Variants in FGFR3 observed in about 807,000 individuals in gnomAD.
The protein encoded by FGFR3 is fibroblast growth factor receptor 3, also known as FGFR-3.
FGFR3 carries 25 observed loss-of-function variants against 82.9 expected under a neutral mutation model. The observed-to-expected ratio is 0.30, with a 90% CI of 0.22 to 0.42. The LOEUF (loss-of-function observed/expected upper bound fraction) is 0.42, where lower values mean the gene tolerates loss of function less well. FGFR3 is among the 10% of genes least tolerant of loss of function. The pLI, the probability that FGFR3 is intolerant of heterozygous loss-of-function variation, is 1.00. For synonymous variants in FGFR3, 620 were observed against 516.0 expected (o/e 1.20, Z -2.73); for missense variants, 1,026 against 1,161.0 (o/e 0.88, Z 1.69).
At chr4:1,798,022 A>G (rs916400813) in intron 2 of FGFR3, among the ~76,000 whole-genome samples, 1 of 151,208 alleles carries the variant, frequency 6.6e-6, no homozygotes, top group Admixed American at 6.6e-5. Flanking sequence ...GGGACCACCC[A>G]CCCCCGTCCC....
chr4:1,802,074 G>A lies in FGFR3; in HGVS notation c.930+49G>A, dbSNP rs140242295. The A allele has an allele frequency of 1.2e-4, 183 of 1,576,532 alleles. 1 individual carries two copies. The East Asian group carries it at 4.1e-3, about 35-fold the overall frequency. On this transcript the variant is annotated intron_variant, in intron 7 of 17. Transcript: ENST00000440486. The stretch of plus-strand genomic sequence containing the variant: ...TGCCGCCGCTGGGGCTCCTGGGCTG[G>A]CCCCAAGGGTGCCCCTTGGCTGCGG...
rs1033107998 is a variant in FGFR3 at position 1,806,833 on chromosome 4, A to G, written c.2173A>G (p.Met725Val). The change falls in exon 17 of 18, where the codon ATG (methionine) becomes GTG (valine). Residue 725 changes from methionine (M) to valine (V), a missense_variant. Met to Val is a conservative substitution (Grantham distance 21, BLOSUM62 1). Transcript: ENST00000440486. ...KPANCTHDLY[M>V]IMRECWHAAP... ...TCCTGAGCGCCCTGCCCGCAGGTAC[A>G]TGATCATGCGGGAGTGCTGGCATGC... The G allele has an allele frequency of 3.7e-6, 6 of 1,606,946 alleles. No individual in the cohort carries two copies. The highest frequency in any genetic ancestry group is 1.7e-5 in the Admixed American group (1 of 59,440).
At position 1,801,866 on chromosome 4, in the gene FGFR3, G is replaced by A. The variant is rs138334098; in HGVS notation, c.771G>A (p.Ala257=). ...CCCCGCACCGGCCCATCCTGCAGGC[G>A]GGGCTGCCGGCCAACCAGACGGCGG... is the stretch of plus-strand genomic sequence containing the variant. ...ERSPHRPILQ[A]GLPANQTAVL... Residue 257 remains alanine (A), a synonymous_variant, in exon 7 of 18, where the codon GCG becomes GCA. Transcript: ENST00000440486. 67 of 1,608,486 alleles carry A rather than the reference G, an allele frequency of 4.2e-5. No homozygotes were observed. In the African/African-American group the frequency reaches 7.1e-4, roughly 17 times the overall value.
At position 1,805,737 on chromosome 4, in the gene FGFR3, C is replaced by T. The variant is rs2108804125; in HGVS notation, c.1646-13C>T. On this transcript the variant is annotated splice_polypyrimidine_tract_variant and intron_variant, in intron 12 of 17. Coordinates refer to ENST00000440486, the MANE Select transcript of FGFR3 (RefSeq NM_000142.5). ...TGGGCCTGGCAGCCCGTCTGAGGAGCCCGTGTCCCCAGGGCCCCTGTACGT... is the reference window on the plus strand; with the variant it reads ...TGGGCCTGGCAGCCCGTCTGAGGAGTCCGTGTCCCCAGGGCCCCTGTACGT... 2.5e-6 allele frequency: 4 copies of T among 1,612,192 alleles called. No individual in the cohort carries two copies. Among genetic ancestry groups the T allele is most frequent in the Non-Finnish European group, 3.4e-6 (4 of 1,179,502 alleles).
chr4:1,804,966 C>T lies in FGFR3; in HGVS notation c.1409C>T (p.Ala470Val), dbSNP rs1721699755. ...PADPKWELSR[A>V]RLTLGKPLGE... is the part of the protein sequence containing the mutation. ...GACCCCAAATGGGAGCTGTCTCGGG[C>T]CCGGTCAGTGGTGCTGAGGGCCAGC... The change falls in exon 10 of 18, where the codon GCC (alanine) becomes GTC (valine). Residue 470 changes from alanine (A) to valine (V), a missense_variant. Coordinates refer to ENST00000440486, the MANE Select transcript of FGFR3 (RefSeq NM_000142.5). 1.3e-6 allele frequency: 2 copies of T among 1,549,346 alleles called. No homozygotes were observed. The highest frequency in any genetic ancestry group is 1.4e-5 in the African/African-American group (1 of 73,352).
At chr4:1,795,483 T>C (rs1457958436) in intron 2 of FGFR3, among the ~76,000 whole-genome samples, 1 of 144,922 alleles carries the variant, frequency 6.9e-6, no homozygotes, top group Non-Finnish European at 1.5e-5. Flanking sequence ...AGGTAGTGAG[T>C]TGATCGGTCA....
rs1285886779 is a variant in FGFR3 at position 1,798,574 on chromosome 4, C to T, written c.110-680C>T. Among the ~76,000 whole-genome samples, 5 of 148,984 alleles carry T rather than the reference C, an allele frequency of 3.4e-5. No individual in the cohort carries two copies. In the East Asian group the frequency reaches 1.0e-3, roughly 31 times the overall value. ...CCCCCTCGCGCTGCTCCGGCCTGTGCTCTGACCGGTGAACCCGCGCATCGC... is the reference window on the plus strand; with the variant it reads ...CCCCCTCGCGCTGCTCCGGCCTGTGTTCTGACCGGTGAACCCGCGCATCGC... On this transcript the variant is annotated intron_variant, in intron 2 of 17. Transcript: ENST00000440486.
At chr4:1,797,322 A>G (rs924097088) in intron 2 of FGFR3, among the ~76,000 whole-genome samples, 3 of 152,032 alleles carry the variant, frequency 2.0e-5, no homozygotes, top group Admixed American at 1.3e-4. Context: ...ACTGTCCTTC[A>G]CCTGGTGCTC....
At chr4:1,803,242 C>A in intron 7 of FGFR3, 1 of 760,864 alleles carries the variant, frequency 1.3e-6, no homozygotes, top group African/African-American at 1.9e-5. Flanking sequence ...CCGCTTCGAG[C>A]CCTGTGGCCT....
intron 2 of FGFR3, among the ~76,000 whole-genome samples, chr4:1,796,803 C>G (rs1173009971): frequency 1.3e-5 from 2 of 152,210 alleles, no homozygotes; most frequent in East Asian, 3.9e-4. Flanking sequence ...CACCCCTACC[C>G]TCACTCCTGC....
rs771133929 is a variant in FGFR3 at position 1,793,947 on chromosome 4, G to C, written c.13G>C (p.Ala5Pro). The C allele has an allele frequency of 3.7e-6, 5 of 1,338,852 alleles. No homozygotes were observed. The highest frequency in any genetic ancestry group is 4.8e-6 in the Non-Finnish European group (5 of 1,032,206). 82.9% of individuals were successfully genotyped at this position (1,338,852 alleles called of 1,614,324 possible). A position where few individuals can be genotyped will look rare whatever the true frequency, so the allele number is the denominator to read the frequency against. The change falls in exon 2 of 18, where the codon GCC becomes CCC. Residue 5 changes from alanine to proline, a missense_variant. Physicochemically the swap from Ala to Pro is conservative, Grantham distance 27 (BLOSUM62 -1). Transcript: ENST00000440486. ...CCCCGCCCCCGCCATGGGCGCCCCT[G>C]CCTGCGCCCTCGCGCTCTGCGTGGC... MGAP[A>P]CALALCVAVA...
Position 1,807,136 on chromosome 4 carries a change from G to A in FGFR3, c.2295G>A (p.Ala765=), listed in dbSNP as rs1467842957. The change falls in exon 18 of 18, where the codon GCG becomes GCA. Residue 765 remains alanine, a synonymous_variant. Coordinates refer to ENST00000440486, the MANE Select transcript of FGFR3 (RefSeq NM_000142.5). The part of the protein sequence containing the change: ...TSTDEYLDLS[A]PFEQYSPGGQ... ...AGCAGGAGTACCTGGACCTGTCGGC[G>A]CCTTTCGAGCAGTACTCCCCGGGTG... The A allele has an allele frequency of 4.4e-6, 7 of 1,591,736 alleles. No homozygotes were observed. The highest frequency in any genetic ancestry group is 6.0e-6 in the Non-Finnish European group (7 of 1,169,886).
chr4:1,806,535 T>G lies in FGFR3; in HGVS notation c.2031-11T>G, dbSNP rs1350378501. 2 of 1,612,764 alleles carry G rather than the reference T, an allele frequency of 1.2e-6. No homozygotes were observed. Among genetic ancestry groups the G allele is most frequent in the Non-Finnish European group, 8.5e-7 (1 of 1,179,930 alleles). Reference sequence around the variant, plus strand: ...AGTCTCAGGACAGCCTGACCTCACCTTCCCCTGCAGCTGGTCCTTTGGGGT... The same window carrying G: ...AGTCTCAGGACAGCCTGACCTCACCGTCCCCTGCAGCTGGTCCTTTGGGGT... On this transcript the variant is annotated splice_polypyrimidine_tract_variant and intron_variant, in intron 15 of 17. Coordinates refer to ENST00000440486, the MANE Select transcript of FGFR3 (RefSeq NM_000142.5).
chr4:1,795,705 G>A (rs552051830), intron 2 of FGFR3, among the ~76,000 whole-genome samples: 1 of 152,274 alleles, frequency 6.6e-6, no homozygotes, highest in South Asian at 2.1e-4. Flanking sequence ...CTCCCCAGGG[G>A]GCCGTATTCC....
chr4:1,798,364 C>G (rs1720770347), intron 2 of FGFR3, among the ~76,000 whole-genome samples: 1 of 152,120 alleles, frequency 6.6e-6, no homozygotes, highest in South Asian at 2.1e-4. Context: ...CCCCCGGCCC[C>G]CTTGAGGGCC....
chr4:1,803,128 C>A, intron 7 of FGFR3: 1 of 1,434,242 alleles, frequency 7.0e-7, no homozygotes, highest in Non-Finnish European at 9.2e-7. Context: ...GGCCGCGCGC[C>A]CTGCACGCCC....
intron 2 of FGFR3, among the ~76,000 whole-genome samples, chr4:1,798,581 C>T (rs565756457): frequency 4.6e-5 from 7 of 151,912 alleles, no homozygotes; most frequent in East Asian, 1.9e-4. Flanking sequence ...GTGCTCTGAC[C>T]GGTGAACCCG....
In FGFR3 at chr4:1,806,514, T is replaced by G. The variant is rs575934929; in HGVS notation, c.2031-32T>G. 1.8e-5 allele frequency: 29 copies of G among 1,612,726 alleles called. 1 individual carries two copies. The South Asian group carries it at 3.0e-4, about 16-fold the overall frequency. On this transcript the variant is annotated intron_variant, in intron 15 of 17. Coordinates refer to ENST00000440486, the MANE Select transcript of FGFR3 (RefSeq NM_000142.5). ...CGCCCAGGTGTCTGTCCTGGGAGTC[T>G]CAGGACAGCCTGACCTCACCTTCCC...
intron 1 of FGFR3, 109 bp from the exon 2 acceptor site, chr4:1,793,724 G>C (rs986022553): frequency 6.4e-6 from 1 of 155,228 alleles, no homozygotes; most frequent in African/African-American, 2.4e-5. Flanking sequence ...GGGCGGCGGC[G>C]GCGGCGGGCG....
Sources: allele counts gnomAD v4.1 joint callset (sites outside exome capture counted in the v4.1 genomes callset), GRCh38; gene constraint gnomAD v4.1.1; transcripts MANE v1.5; gene names NCBI Gene and HGNC (gene_info 2026-07-23, HGNC 2026-07-21).